Variants in CALY observed in about 807,000 individuals in gnomAD.
CALY encodes the protein calcyon neuron specific vesicular protein, also known as neuron-specific vesicular protein calcyon.
A neutral mutation model predicts 20.2 loss-of-function variants in CALY; 15 were observed. The observed-to-expected ratio is 0.74, with a 90% confidence interval of 0.50 to 1.14. CALY has a LOEUF of 1.14. CALY is among the 50% of genes most tolerant of loss of function. The pLI, the probability that CALY is intolerant of heterozygous loss-of-function variation, is 0.00. For synonymous variants in CALY, 129 were observed against 131.8 expected (o/e 0.98, Z 0.15); for missense variants, 270 against 304.4 (o/e 0.89, Z 0.84).
At chr10:133,328,050 G>A (rs1413470519) in intron 2 of CALY, 35 bp from the exon 3 acceptor site, 4 of 1,373,704 alleles carry the variant, frequency 2.9e-6, no homozygotes, top group Non-Finnish European at 4.1e-6. Context: ...TCAGTAGGCA[G>A]CTGGCAGGGA....
chr10:133,328,757 G>A, intron 2 of CALY, 98 bp downstream of exon 2: 1 of 1,292,064 alleles, frequency 7.7e-7, no homozygotes, highest in Non-Finnish European at 1.0e-6. Context: ...TTGCTCTACT[G>A]CACCTGGGAA....
In CALY at chr10:133,326,971, G is replaced by A. The variant is rs559698147; in HGVS notation, c.267C>T (p.Ile89=). 36 of 1,608,990 alleles carry A rather than the reference G, an allele frequency of 2.2e-5. No homozygotes were observed. Among genetic ancestry groups the A allele is most frequent in the Middle Eastern group, 1.6e-4 (1 of 6,078 alleles). Residue 89 remains isoleucine (I), a synonymous_variant, in exon 4 of 6, where the codon ATC becomes ATT. Coordinates refer to ENST00000252939, the MANE Select transcript of CALY (RefSeq NM_015722.4). ...AGCCCAGTAGCGCCATGGCGAAGGC[G>A]ATCATCCGTGCGGTGGGCAGCTGGC... is the stretch of plus-strand genomic sequence containing the variant. The part of the protein sequence containing the change: ...EGRRLPTARM[I]AFAMALLGCV...
At chr10:133,335,362 C>T (rs1426522535) in intron 1 of CALY, among the ~76,000 whole-genome samples, 1 of 152,156 alleles carries the variant, frequency 6.6e-6, no homozygotes, top group African/African-American at 2.4e-5. Context: ...GAGTCTCCGC[C>T]CGAACCCCCG....
intron 1 of CALY, among the ~76,000 whole-genome samples, chr10:133,330,075 C>A (rs1243504950): frequency 6.6e-6 from 1 of 152,204 alleles, no homozygotes; most frequent in East Asian, 1.9e-4. Flanking sequence ...CGCCTTCAGG[C>A]GGACCTTCTA....
intron 4 of CALY, 112 bp from the exon 5 acceptor site, chr10:133,326,232 C>T: frequency 6.4e-7 from 1 of 1,550,964 alleles, no homozygotes; most frequent in Non-Finnish European, 8.7e-7. Context: ...GTAATGGAGC[C>T]ATGGCTTCAG....
intron 1 of CALY, among the ~76,000 whole-genome samples, chr10:133,336,135 C>T (rs1848438305): frequency 1.3e-5 from 2 of 152,166 alleles, no homozygotes; most frequent in African/African-American, 2.4e-5. Flanking sequence ...CGCAGCCTCC[C>T]GCCCCTGGCG....
At chr10:133,326,289 G>T in intron 4 of CALY, 169 bp from the exon 5 acceptor site, 1 of 1,550,004 alleles carries the variant, frequency 6.5e-7, no homozygotes, top group South Asian at 1.2e-5. Context: ...CCCTGGAGGG[G>T]CATGGAGCAG....
chr10:133,327,859 T>C, intron 3 of CALY, 46 bp downstream of exon 3: 1 of 1,313,284 alleles, frequency 7.6e-7, no homozygotes, highest in Non-Finnish European at 1.1e-6. Flanking sequence ...TTCCACCTTC[T>C]CCTCCTGTCC....
chr10:133,328,449 CTT>C (rs1327018959), intron 2 of CALY, among the ~76,000 whole-genome samples: 1 of 152,212 alleles, frequency 6.6e-6, no homozygotes, highest in Admixed American at 6.5e-5. Context: ...AAGCTGAGCT[CTT>C]TGCTTCTCCC....
At position 133,324,276 on chromosome 10, in the gene CALY, C is replaced by G. The variant is rs1564784260; in HGVS notation, c.*1319G>C. ...TGTGGTGTGCATGGCCCTGCCTTCCCTGACCCCACCTGGCTGGCTTCCAGC... is the reference window on the plus strand; with the variant it reads ...TGTGGTGTGCATGGCCCTGCCTTCCGTGACCCCACCTGGCTGGCTTCCAGC... On this transcript the variant is annotated 3_prime_UTR_variant, in exon 6 of 6. Transcript: ENST00000252939. The G allele has an allele frequency of 2.2e-6, 1 of 452,020 alleles. No individual in the cohort carries two copies. The highest frequency in any genetic ancestry group is 4.4e-6 in the Non-Finnish European group (1 of 224,830). The allele number at this position is 452,020 out of a possible 1,614,324, so 28.0% of individuals were successfully genotyped here. A position where few individuals can be genotyped will look rare whatever the true frequency, so the allele number is the denominator to read the frequency against.
rs1589849457 is a variant in CALY, at chr10:133,324,430, A to G, written c.*1165T>C. ...ACCTAGCCAGCAAGCCTGGGAGCCA[A>G]TGGTGGGGGGCTTCCATCCACCAAT... On this transcript the variant is annotated 3_prime_UTR_variant, in exon 6 of 6. Transcript: ENST00000252939. The G allele has an allele frequency of 2.3e-6, 1 of 437,586 alleles. No homozygotes were observed. Among genetic ancestry groups the G allele is most frequent in the African/African-American group, 2.2e-5 (1 of 46,224 alleles). 27.1% of individuals were successfully genotyped at this position (437,586 alleles called of 1,614,324 possible).
chr10:133,332,977 A>G (rs1478516614), intron 1 of CALY, among the ~76,000 whole-genome samples: 1 of 151,970 alleles, frequency 6.6e-6, no homozygotes, highest in Non-Finnish European at 1.5e-5. Context: ...CAGAACTGTG[A>G]AAGAATTTGT....
intron 4 of CALY, chr10:133,326,414 G>C: frequency 1.5e-6 from 1 of 668,820 alleles, no homozygotes; most frequent in South Asian, 1.9e-5. Flanking sequence ...AAACCATGGA[G>C]TTAAGGAGAA....
intron 1 of CALY, among the ~76,000 whole-genome samples, chr10:133,336,068 G>T (rs888553343): frequency 3.3e-5 from 5 of 152,144 alleles, no homozygotes; most frequent in African/African-American, 1.2e-4. Flanking sequence ...TGCGGGCCGG[G>T]CACCAGCGCG....
rs146021864 is a variant in CALY, at chr10:133,326,914, G to A, written c.324C>T (p.Tyr108=). Residue 108 remains tyrosine (Y), a synonymous_variant, in exon 4 of 6, where the codon TAC becomes TAT. Coordinates refer to ENST00000252939, the MANE Select transcript of CALY (RefSeq NM_015722.4). ...CVLIMYKAIW[Y]DQFTCPDGFL... ...AGCCGTCGGGGCAGGTGAACTGGTC[G>A]TACCAGATGGCCTTGTACATGATCA... 132 of 1,610,418 alleles carry A rather than the reference G, an allele frequency of 8.2e-5. 3 individuals are homozygous for A. The South Asian group carries it at 9.3e-4, about 11-fold the overall frequency.
chr10:133,326,180 AG>A (rs1239351006), intron 4 of CALY, 60 bp from the exon 5 acceptor site: 1 of 1,565,904 alleles, frequency 6.4e-7, no homozygotes, highest in Non-Finnish European at 8.7e-7. Flanking sequence ...CCCCGGGCCC[AG>A]GCCCTCCCGC....
At chr10:133,331,190 C>T (rs1285718402) in intron 1 of CALY, among the ~76,000 whole-genome samples, 2 of 152,142 alleles carry the variant, frequency 1.3e-5, no homozygotes, top group Non-Finnish European at 2.9e-5. Flanking sequence ...ACCACTAAAT[C>T]CCCACAGCAA....
rs1848172465 is a variant in CALY, at chr10:133,324,545, G to A, written c.*1050C>T. ...GCTGCAATTGGCTGGGGTGGGCGGG[G>A]CTGCAGTGCTGCAATTGGCTGGGGT... On this transcript the variant is annotated 3_prime_UTR_variant, in exon 6 of 6. Coordinates refer to ENST00000252939, the MANE Select transcript of CALY (RefSeq NM_015722.4). The A allele has an allele frequency of 4.2e-5, 14 of 331,704 alleles. No individual in the cohort carries two copies. The highest frequency in any genetic ancestry group is 7.9e-5 in the Non-Finnish European group (13 of 165,560). 20.5% of individuals were successfully genotyped at this position (331,704 alleles called of 1,614,324 possible).
chr10:133,331,249 A>G (rs1848301547), intron 1 of CALY, among the ~76,000 whole-genome samples: 1 of 152,182 alleles, frequency 6.6e-6, no homozygotes, highest in Admixed American at 6.5e-5. Context: ...CGGTTCTACA[A>G]GTTATGGTGC....
Sources: allele counts gnomAD v4.1 joint callset (sites outside exome capture counted in the v4.1 genomes callset), GRCh38; gene constraint gnomAD v4.1.1; transcripts MANE v1.5; gene names NCBI Gene and HGNC (gene_info 2026-07-23, HGNC 2026-07-21).